The following BIRC6 variants were observed in gnomAD, a reference collection of about 807,000 sequenced individuals.
BIRC6 encodes the protein dual E2 ubiquitin-conjugating enzyme/E3 ubiquitin-protein ligase BIRC6.
A neutral mutation model predicts 503.3 loss-of-function variants in BIRC6; 98 were observed. That is an observed-to-expected ratio of 0.19 (90% CI 0.17 to 0.23). BIRC6 has a LOEUF of 0.23. BIRC6 is among the 10% of genes least tolerant of loss of function. The pLI is 1.00. For missense variants in BIRC6, 5,360 were observed against 5,806.0 expected (o/e 0.92, Z 2.50); for synonymous variants, 2,240 against 2,078.7 (o/e 1.08, Z -2.11).
chr2:32,464,390 A>G (rs1428862723), intron 24 of BIRC6, 119 bp from the exon 25 acceptor site: 3 of 1,229,732 alleles, frequency 2.4e-6, no homozygotes, highest in Non-Finnish European at 3.3e-6. Flanking sequence ...ATTTAATTTC[A>G]TCTTTAAGTA....
At chr2:32,431,209 T>TTTTTTTTTTTTTTTTTG (rs2044078804) in intron 12 of BIRC6, 119 bp downstream of exon 12, 1 of 566,368 alleles carries the variant, frequency 1.8e-6, no homozygotes, top group African/African-American at 2.4e-5. Flanking sequence ...TTTTTTTTTT[T>TTTTTTTTTTTTTTTTTG]TTTTGAGACA....
At chr2:32,465,708 G>C in intron 26 of BIRC6, among the ~76,000 whole-genome samples, 1 of 152,192 alleles carries the variant, frequency 6.6e-6, no homozygotes, top group Middle Eastern at 3.2e-3. Flanking sequence ...TCTTAAAACA[G>C]TTGGTTTTAA....
chr2:32,409,204 G>A (rs13025809), intron 9 of BIRC6, among the ~76,000 whole-genome samples: 1 of 152,064 alleles, frequency 6.6e-6, no homozygotes, highest in Non-Finnish European at 1.5e-5. Context: ...TGTTGCCCAG[G>A]CTGGAGTGCA....
At chr2:32,405,905 A>G (rs2041157722) in intron 8 of BIRC6, among the ~76,000 whole-genome samples, 1 of 152,204 alleles carries the variant, frequency 6.6e-6, no homozygotes, top group Non-Finnish European at 1.5e-5. Flanking sequence ...GTCACACAGT[A>G]GTCTTCAAAT....
At chr2:32,519,832 A>G (rs1210869600) in intron 57 of BIRC6, among the ~76,000 whole-genome samples, 6 of 152,168 alleles carry the variant, frequency 3.9e-5, no homozygotes, top group Admixed American at 2.6e-4. Context: ...TCAACTTTAG[A>G]TAGTTGGAGT....
intron 3 of BIRC6, among the ~76,000 whole-genome samples, chr2:32,388,456 C>T (rs1325858956): frequency 6.6e-6 from 1 of 151,940 alleles, no homozygotes; most frequent in African/African-American, 2.4e-5. Flanking sequence ...TTAATTCCTC[C>T]TAAGCTTCCC....
chr2:32,467,967 A>G lies in BIRC6; in HGVS notation c.5636A>G (p.Tyr1879Cys), dbSNP rs150197223. 78 of 1,613,690 alleles carry G rather than the reference A, an allele frequency of 4.8e-5. No individual in the cohort carries two copies. Among genetic ancestry groups the G allele is most frequent in the Non-Finnish European group, 6.0e-5 (71 of 1,179,822 alleles). Residue 1879 changes from tyrosine to cysteine, a missense_variant, in exon 28 of 74, where the codon TAT becomes TGT. Around this residue, in one of 16 missense-constraint regions of BIRC6, gnomAD observed 2,299 missense variants for 2,267.2 expected, o/e 1.01. Coordinates refer to ENST00000421745, the MANE Select transcript of BIRC6 (RefSeq NM_016252.4). ...GCCAAAATCCCATTAGGATTTTACT[A>G]TGGTCATACCTACATCTTGCCTTGG... Reference protein sequence around the residue: ...ARAKIPLGFYYGHTYILPWES... With the variant: ...ARAKIPLGFYCGHTYILPWES...
At position 32,357,095 on chromosome 2, in the gene BIRC6, T is replaced by C. The variant is rs889560991; in HGVS notation, c.-67T>C. ...GGCCCCTCCGGCCGGGCGATCGACG[T>C]TCCGCGTGCGTGCGGGCGCCTGACT... On this transcript the variant is annotated 5_prime_UTR_variant, in exon 1 of 74. Coordinates refer to ENST00000421745, the MANE Select transcript of BIRC6 (RefSeq NM_016252.4). The surrounding 1 kb of genome is among the most constrained non-coding windows in gnomAD (Gnocchi z 4.9). The C allele has an allele frequency of 4.5e-6, 6 of 1,341,920 alleles. No individual in the cohort carries two copies. In the African/African-American group the frequency reaches 6.2e-5, roughly 14 times the overall value. The allele number at this position is 1,341,920 out of a possible 1,614,324, so 83.1% of individuals were successfully genotyped here.
Position 32,575,125 on chromosome 2 carries a change from C to A in BIRC6, c.13145-31C>A. The A allele has an allele frequency of 2.5e-6, 4 of 1,604,180 alleles. No homozygotes were observed. The South Asian group carries it at 3.3e-5, about 13-fold the overall frequency. On this transcript the variant is annotated intron_variant, in intron 65 of 73. Transcript: ENST00000421745. Reference sequence around the variant, plus strand: ...CCTACTTTTATATTGTACATTTGCTCATTTTGTGCTTTTTCTTCTTCTCCT... The same window carrying A: ...CCTACTTTTATATTGTACATTTGCTAATTTTGTGCTTTTTCTTCTTCTCCT...
At chr2:32,371,526 C>T (rs193091539) in intron 1 of BIRC6, among the ~76,000 whole-genome samples, 6 of 151,926 alleles carry the variant, frequency 3.9e-5, no homozygotes, top group South Asian at 2.1e-4. Context: ...AGGTTCATGC[C>T]GCCATGCCCG....
At chr2:32,544,585 G>C (rs1227780762) in intron 62 of BIRC6, among the ~76,000 whole-genome samples, 1 of 147,962 alleles carries the variant, frequency 6.8e-6, no homozygotes, top group Non-Finnish European at 1.5e-5. Flanking sequence ...ACATGGTTTT[G>C]ATTAGGGTCG....
intron 9 of BIRC6, among the ~76,000 whole-genome samples, chr2:32,407,091 A>G (rs746524698): frequency 6.6e-6 from 1 of 152,190 alleles, no homozygotes; most frequent in African/African-American, 2.4e-5. Flanking sequence ...CTTCTACTTA[A>G]TATAGTCTGA....
At chr2:32,378,358 A>G (rs2037130102) in intron 2 of BIRC6, among the ~76,000 whole-genome samples, 1 of 152,016 alleles carries the variant, frequency 6.6e-6, no homozygotes, top group Admixed American at 6.6e-5. Flanking sequence ...TCACATGACC[A>G]CACCAAGCTG....
intron 5 of BIRC6, among the ~76,000 whole-genome samples, chr2:32,394,122 A>G (rs1472937428): frequency 6.7e-6 from 1 of 150,244 alleles, no homozygotes; most frequent in East Asian, 2.0e-4. Context: ...ATTTGGTGTA[A>G]TTTTCTAAGA....
At chr2:32,547,651 A>G (rs1015788729) in intron 63 of BIRC6, among the ~76,000 whole-genome samples, 199 bp from the exon 64 acceptor site, 1 of 152,076 alleles carries the variant, frequency 6.6e-6, no homozygotes, top group East Asian at 1.9e-4. Context: ...GTGTGTGTCT[A>G]TTTCAGCACC....
intron 1 of BIRC6, among the ~76,000 whole-genome samples, chr2:32,364,844 C>T (rs2034659854): frequency 6.6e-6 from 1 of 150,746 alleles, no homozygotes; most frequent in South Asian, 2.1e-4. Flanking sequence ...GGTCATGGTG[C>T]CTGCATAGTC....
chr2:32,476,149 G>T (rs1221195385), intron 33 of BIRC6, 64 bp from the exon 34 acceptor site: 1 of 1,227,876 alleles, frequency 8.1e-7, no homozygotes, highest in Non-Finnish European at 1.1e-6. Flanking sequence ...ATTCTGTGAG[G>T]AGTATAATAA....
intron 65 of BIRC6, among the ~76,000 whole-genome samples, chr2:32,562,134 C>G (rs1198659204): frequency 6.6e-6 from 1 of 151,978 alleles, no homozygotes; most frequent in East Asian, 1.9e-4. Context: ...CTCTTTTTCC[C>G]CTTCTCTTCC....
intron 6 of BIRC6, 135 bp downstream of exon 6, chr2:32,395,728 G>C: frequency 1.5e-6 from 1 of 674,814 alleles, no homozygotes; most frequent in South Asian, 1.8e-5. Flanking sequence ...CTGAGAATGA[G>C]CTAGCCCTGT....
Sources: gnomAD v4.1 joint callset for allele counts (sites outside exome capture counted in the v4.1 genomes callset) on GRCh38, gnomAD v4.1.1 for gene constraint, gnomAD v4.1.1 regional missense constraint, Gnocchi (gnomAD v3.1) non-coding constraint, MANE v1.5 for transcripts, NCBI Gene and HGNC (gene_info 2026-07-23, HGNC 2026-07-21) for gene names.